The following TSPAN16 variants were observed in gnomAD, a reference collection of about 807,000 sequenced individuals.
TSPAN16 encodes the protein tetraspanin 16.
In TSPAN16, 23 loss-of-function variants were observed where a neutral mutation model predicts 25.2. The ratio of observed to expected loss-of-function variants is 0.91; its 90% CI spans 0.66 to 1.29. TSPAN16 has a LOEUF of 1.29. Among genes scored for constraint, TSPAN16 ranks in the 50% most tolerant of loss-of-function variants. TSPAN16 has a pLI of 0.00. For synonymous variants in TSPAN16, 123 were observed against 124.4 expected (o/e 0.99, Z 0.08); for missense variants, 272 against 299.9 (o/e 0.91, Z 0.69).
At chr19:11,296,891 T>G (rs188692538) in intron 1 of TSPAN16, among the ~76,000 whole-genome samples, 317 of 151,710 alleles carry the variant, frequency 2.1e-3, no homozygotes, top group Middle Eastern at 6.8e-3. Flanking sequence ...TACAAAAAAA[T>G]TAGATGGGCG....
rs1051958036 is a variant in TSPAN16 at position 11,301,256 on chromosome 19, G to A, written c.398G>A (p.Gly133Asp). 2 of 1,613,942 alleles carry A rather than the reference G, an allele frequency of 1.2e-6. No homozygotes were observed. The highest frequency in any genetic ancestry group is 1.7e-6 in the Non-Finnish European group (2 of 1,179,992). Residue 133 changes from glycine (G) to aspartate (D), a missense_variant, in exon 4 of 7, where the codon GGT (glycine) becomes GAT (aspartate). Transcript: ENST00000590327. ...TFVTLRKNYRGYNEPDDYSTQ... is the reference protein window; with the variant it reads ...TFVTLRKNYRDYNEPDDYSTQ... ...GTGACCCTGAGGAAGAATTACAGAG[G>A]TTACAACGAGCCAGACGACTATTCT...
chr19:11,302,509 A>G (rs1173542152), intron 4 of TSPAN16, among the ~76,000 whole-genome samples: 1 of 134,920 alleles, frequency 7.4e-6, no homozygotes, highest in African/African-American at 2.9e-5. Context: ...AGCCTGGGCA[A>G]CAGAGTGAGG....
At chr19:11,315,751 T>C (rs755700825) in intron 6 of TSPAN16, 40 bp from the exon 7 acceptor site, 2 of 1,228,208 alleles carry the variant, frequency 1.6e-6, no homozygotes, top group Non-Finnish European at 2.0e-6. Flanking sequence ...TTTGGAGGTC[T>C]CTAGCATTGG....
At chr19:11,319,790 C>T (rs1035816604), downstream of TSPAN16, among the ~76,000 whole-genome samples, 3 of 152,020 alleles carry the variant, frequency 2.0e-5, no homozygotes, top group African/African-American at 7.2e-5. Context: ...CTCTCCAAAC[C>T]TGTCATTTAG....
In TSPAN16 at chr19:11,296,184, G is replaced by C. The variant is rs2080475947; in HGVS notation, c.-114G>C. ...CAGGCAGCCAGGACACAGAGGGGCAGAGCAAGTCAGCATTGGCGCCCCTTC... is the reference window on the plus strand; with the variant it reads ...CAGGCAGCCAGGACACAGAGGGGCACAGCAAGTCAGCATTGGCGCCCCTTC... On this transcript the variant is annotated 5_prime_UTR_variant, in exon 1 of 7. Coordinates refer to ENST00000590327, the MANE Select transcript of TSPAN16 (RefSeq NM_001282509.2). 3 of 1,119,880 alleles carry C rather than the reference G, an allele frequency of 2.7e-6. No homozygotes were observed. Among genetic ancestry groups the C allele is most frequent in the Non-Finnish European group, 4.0e-6 (3 of 758,790 alleles). The allele number at this position is 1,119,880 out of a possible 1,614,324, so 69.4% of individuals were successfully genotyped here.
intron 6 of TSPAN16, chr19:11,324,259 G>GAAA: frequency 3.0e-5 from 3 of 101,022 alleles, no homozygotes; most frequent in Non-Finnish European, 6.4e-5. Flanking sequence ...ATCTCAAAAA[G>GAAA]AAAAAAAAAA....
Position 11,312,242 on chromosome 19 carries a change from G to A in TSPAN16, c.687+20G>A. Reference sequence around the variant, plus strand: ...ATACAGGTAAGACCCAGCCTCTCTAGGGTCTTTGAGCTGTTTTATTAAGCA... The same window carrying A: ...ATACAGGTAAGACCCAGCCTCTCTAAGGTCTTTGAGCTGTTTTATTAAGCA... On this transcript the variant is annotated intron_variant, in intron 6 of 6. Coordinates refer to ENST00000590327, the MANE Select transcript of TSPAN16 (RefSeq NM_001282509.2). 6.3e-7 allele frequency: 1 copy of A among 1,587,172 alleles called. No individual in the cohort carries two copies. Among genetic ancestry groups the A allele is most frequent in the Non-Finnish European group, 8.6e-7 (1 of 1,160,858 alleles).
chr19:11,320,320 T>A (rs1322355749), downstream of TSPAN16, among the ~76,000 whole-genome samples: 1 of 151,836 alleles, frequency 6.6e-6, no homozygotes, highest in Non-Finnish European at 1.5e-5. Context: ...TGGGGTTTTG[T>A]CATGTTGGCC....
At chr19:11,326,607 T>C (rs1281555949) in intron 6 of TSPAN16, among the ~76,000 whole-genome samples, 1 of 152,122 alleles carries the variant, frequency 6.6e-6, no homozygotes, top group African/African-American at 2.4e-5. Flanking sequence ...ACATTTTCCA[T>C]TGCTTTTTTT....
chr19:11,320,668 G>A (rs1185075269), downstream of TSPAN16, among the ~76,000 whole-genome samples: 1 of 124,590 alleles, frequency 8.0e-6, no homozygotes, highest in Non-Finnish European at 1.6e-5. Context: ...GCAAGACCTT[G>A]TCTCCAAAAA....
intron 4 of TSPAN16, among the ~76,000 whole-genome samples, chr19:11,302,676 T>TACACAC (rs1398746421): frequency 2.3e-5 from 3 of 128,400 alleles, no homozygotes; most frequent in African/African-American, 1.2e-4. Context: ...TATATATATA[T>TACACAC]ATACACACAC....
chr19:11,299,053 G>A (rs767586030), intron 3 of TSPAN16, 107 bp downstream of exon 3: 2 of 1,106,686 alleles, frequency 1.8e-6, no homozygotes, highest in Non-Finnish European at 2.7e-6. Context: ...GCTGAGTCTG[G>A]TGGATCACCT....
chr19:11,300,557 G>A (rs550566083), intron 3 of TSPAN16, among the ~76,000 whole-genome samples: 3 of 152,266 alleles, frequency 2.0e-5, no homozygotes, highest in South Asian at 2.1e-4. Context: ...ACAGCCAGAC[G>A]CAGAAAAATG....
At chr19:11,322,825 A>G (rs1161604399) in intron 6 of TSPAN16, 1 of 152,218 alleles carries the variant, frequency 6.6e-6, no homozygotes, top group African/African-American at 2.4e-5. Context: ...TTCTCATCAC[A>G]CAGGTGATTA....
Position 11,325,447 on chromosome 19 carries a change from G to A in TSPAN16, c.688-1347G>A, listed in dbSNP as rs540521854. ...GGGGGCTGGAGCATCCCCCACGGCC[G>A]GGCCTTTCCCGTTGCTGCCTGAGCT... On this transcript the variant is annotated intron_variant, in intron 6 of 6. Transcript: ENST00000316737. 24 of 1,609,552 alleles carry A rather than the reference G, an allele frequency of 1.5e-5. No homozygotes were observed. Among genetic ancestry groups the A allele is most frequent in the African/African-American group, 2.7e-5 (2 of 74,988 alleles).
At chr19:11,306,454 T>C (rs1296980924) in intron 4 of TSPAN16, 150 bp from the exon 5 acceptor site, 4 of 933,938 alleles carry the variant, frequency 4.3e-6, no homozygotes, top group Non-Finnish European at 6.4e-6. Context: ...CAGGGAGGGT[T>C]CTGGGCTGTG....
chr19:11,313,978 T>C (rs539937259), intron 6 of TSPAN16, among the ~76,000 whole-genome samples: 23 of 152,286 alleles, frequency 1.5e-4, no homozygotes, highest in African/African-American at 5.3e-4. Flanking sequence ...AAGTGATGAA[T>C]GGATAAAGAA....
At chr19:11,321,996 T>C (rs962085927) in intron 6 of TSPAN16, 5 of 152,180 alleles carry the variant, frequency 3.3e-5, no homozygotes, top group Non-Finnish European at 7.3e-5. Context: ...TTGACTGATA[T>C]CTGCTTAGTT....
chr19:11,326,754 C>G, intron 6 of TSPAN16: 1 of 696,054 alleles, frequency 1.4e-6, no homozygotes, highest in Non-Finnish European at 2.6e-6. Context: ...CAGGTGTGCC[C>G]CACCATGCCC....
Sources: gnomAD v4.1 joint callset for allele counts (sites outside exome capture counted in the v4.1 genomes callset) on GRCh38, gnomAD v4.1.1 for gene constraint, MANE v1.5 for transcripts, NCBI Gene and HGNC (gene_info 2026-07-23, HGNC 2026-07-21) for gene names.